DNAH3: variants seen among roughly 807,000 people sequenced by gnomAD.
DNAH3 encodes the protein dynein axonemal heavy chain 3, also known as axonemal beta dynein heavy chain 3.
A neutral mutation model predicts 432.5 loss-of-function variants in DNAH3; 332 were observed. That is an observed-to-expected ratio of 0.77 (90% CI 0.70 to 0.84). The LOEUF is 0.84. Among genes scored for constraint, DNAH3 ranks in the 40% least tolerant of loss-of-function variants. The pLI is 0.00. For missense variants in DNAH3, 4,861 were observed against 5,114.0 expected (o/e 0.95, Z 1.51); for synonymous variants, 1,956 against 1,900.2 (o/e 1.03, Z -0.76).
At chr16:20,934,332 A>G (rs949822217) in intron 61 of DNAH3, among the ~76,000 whole-genome samples, 8 of 152,210 alleles carry the variant, frequency 5.3e-5, no homozygotes, top group Non-Finnish European at 8.8e-5. Context: ...TCAACTTACA[A>G]TGGGGTTATG....
chr16:21,080,812 C>T (rs2091157712), intron 20 of DNAH3, among the ~76,000 whole-genome samples: 2 of 152,220 alleles, frequency 1.3e-5, no homozygotes, highest in African/African-American at 4.8e-5. Flanking sequence ...AAGTAGGGTC[C>T]TGAGAAGCTC....
At chr16:21,087,102 A>G (rs773258646) in intron 18 of DNAH3, 42 bp from the exon 19 acceptor site, 12 of 1,501,606 alleles carry the variant, frequency 8.0e-6, no homozygotes, top group Non-Finnish European at 1.1e-5. Flanking sequence ...CATCATGTGG[A>G]TGTTAGTCAT....
At chr16:21,033,933 G>T in intron 36 of DNAH3, 41 bp downstream of exon 36, 1 of 1,441,598 alleles carries the variant, frequency 6.9e-7, no homozygotes. Context: ...AACTGAGCGA[G>T]GAGTTCTGTC....
intron 51 of DNAH3, among the ~76,000 whole-genome samples, chr16:20,972,070 G>T (rs961500128): frequency 6.6e-6 from 1 of 152,144 alleles, no homozygotes; most frequent in African/African-American, 2.4e-5. Context: ...GAGTGGGTGG[G>T]GCTGGGACTT....
rs1207825195 is a variant in DNAH3 at position 21,117,099 on chromosome 16, G to T, written c.1814+104C>A. 5.7e-6 allele frequency: 4 copies of T among 704,036 alleles called. No individual in the cohort carries two copies. In the East Asian group the frequency reaches 1.0e-4, roughly 18 times the overall value. 43.6% of individuals were successfully genotyped at this position (704,036 alleles called of 1,614,324 possible). ...AGTATTGGCTATTCTTACTATGTAT[G>T]TGTTCAGGTGTTTGGGAACAGGAAT... is the stretch of plus-strand genomic sequence containing the variant. On this transcript the variant is annotated intron_variant, in intron 12 of 61. Coordinates refer to ENST00000261383, the Ensembl canonical transcript of DNAH3.
rs76122908 is a variant in DNAH3, at chr16:21,074,791, C to T, written c.3084+656G>A. Reference sequence around the variant, plus strand: ...TGTTGCCTCCATGATTTACAGCTCCCCAAGAGCTGCAACCCTCATCCCTAC... The same window carrying T: ...TGTTGCCTCCATGATTTACAGCTCCTCAAGAGCTGCAACCCTCATCCCTAC... On this transcript the variant is annotated intron_variant, in intron 21 of 61. Coordinates refer to ENST00000261383, the Ensembl canonical transcript of DNAH3. 3.3e-5 allele frequency among the ~76,000 whole-genome samples: 5 copies of T among 152,180 alleles called. No homozygotes were observed. In the East Asian group the frequency reaches 9.7e-4, roughly 29 times the overall value.
intron 5 of DNAH3, among the ~76,000 whole-genome samples, chr16:21,139,487 C>A (rs12599015): frequency 0.47 from 70,787 of 150,726 alleles, 17,100 homozygotes; most frequent in East Asian, 0.68. Context: ...TCCCCCTACC[C>A]TTTTTTTGAG....
intron 6 of DNAH3, among the ~76,000 whole-genome samples, chr16:21,135,802 G>A (rs1450141991): frequency 1.3e-5 from 2 of 151,798 alleles, no homozygotes; most frequent in African/African-American, 4.8e-5. Flanking sequence ...ACTTTGGGAG[G>A]CCGAGGCAGG....
At chr16:21,145,836 G>A in intron 2 of DNAH3, 148 bp downstream of exon 3, 2 of 614,502 alleles carry the variant, frequency 3.3e-6, no homozygotes, top group Non-Finnish European at 5.8e-6. Flanking sequence ...CTCTTCTGGG[G>A]GCAAAAGCGA....
chr16:21,132,698 T>C (rs965815691), intron 7 of DNAH3, among the ~76,000 whole-genome samples: 4 of 152,164 alleles, frequency 2.6e-5, no homozygotes, highest in Non-Finnish European at 4.4e-5. Context: ...TGCAAATCCA[T>C]AGAGACAGAA....
At chr16:21,125,916 G>A (rs951850234) in intron 8 of DNAH3, among the ~76,000 whole-genome samples, 1 of 152,190 alleles carries the variant, frequency 6.6e-6, no homozygotes. Flanking sequence ...GGAGGCCGAA[G>A]CGGGCAGATC....
chr16:21,015,147 A>C (rs998606258), intron 41 of DNAH3, among the ~76,000 whole-genome samples: 2 of 152,226 alleles, frequency 1.3e-5, no homozygotes, highest in African/African-American at 4.8e-5. Flanking sequence ...TTAAGTACCA[A>C]AAATTGTAAT....
At chr16:21,118,438 T>A (rs1036301293) in intron 11 of DNAH3, among the ~76,000 whole-genome samples, 5 of 151,976 alleles carry the variant, frequency 3.3e-5, no homozygotes, top group African/African-American at 1.2e-4. Context: ...TCTTTTTATT[T>A]ATTTATTTTT....
chr16:20,941,331 A>G (rs1453235497), intron 59 of DNAH3, 70 bp downstream of exon 59: 1 of 1,588,298 alleles, frequency 6.3e-7, no homozygotes, highest in East Asian at 2.2e-5. Context: ...ACCCCTTCTC[A>G]GCTACTGCCT....
intron 37 of DNAH3, among the ~76,000 whole-genome samples, chr16:21,027,817 C>T (rs551221124): frequency 6.6e-6 from 1 of 152,234 alleles, no homozygotes; most frequent in South Asian, 2.1e-4. Context: ...AGTTATCAGA[C>T]CTCACCAAGT....
chr16:21,135,286 G>A (rs1217660396), intron 6 of DNAH3, among the ~76,000 whole-genome samples: 1 of 152,184 alleles, frequency 6.6e-6, no homozygotes, highest in East Asian at 1.9e-4. Context: ...CACCATGGAT[G>A]ATACCATCCA....
intron 41 of DNAH3, among the ~76,000 whole-genome samples, chr16:21,011,840 A>G (rs77692510): frequency 1.3e-5 from 2 of 152,350 alleles, no homozygotes; most frequent in Non-Finnish European, 2.9e-5. Context: ...AGAGATGATG[A>G]TGATAATAGC....
chr16:20,940,928 TATAAAAA>T (rs1357119314), intron 59 of DNAH3, among the ~76,000 whole-genome samples: 4 of 152,012 alleles, frequency 2.6e-5, no homozygotes, highest in African/African-American at 7.2e-5. Flanking sequence ...ACTCCATCTC[TATAAAAA>T]ATAAAAAATA....
chr16:20,974,553 G>A (rs2085486884), intron 51 of DNAH3, among the ~76,000 whole-genome samples: 1 of 146,208 alleles, frequency 6.8e-6, no homozygotes, highest in Non-Finnish European at 1.5e-5. Flanking sequence ...ACATGGGTGT[G>A]CCACTACACC....
Sources: gnomAD v4.1 joint callset for allele counts (sites outside exome capture counted in the v4.1 genomes callset) on GRCh38, gnomAD v4.1.1 for gene constraint, MANE v1.5 for transcripts, NCBI Gene and HGNC (gene_info 2026-07-23, HGNC 2026-07-21) for gene names.